PRKN: variants seen among roughly 807,000 people sequenced by gnomAD.
The protein encoded by PRKN is parkin RBR E3 ubiquitin protein ligase, also known as E3 ubiquitin-protein ligase parkin.
Under a neutral mutation model 59.5 loss-of-function variants are expected in PRKN, and 56 were observed. The ratio of observed to expected loss-of-function variants is 0.94; its 90% CI spans 0.76 to 1.18. The LOEUF is 1.18. Among genes scored for constraint, PRKN ranks in the 50% most tolerant of loss-of-function variants. PRKN has a pLI of 0.00. For missense variants in PRKN, 657 were observed against 596.4 expected, an observed-to-expected ratio of 1.10 and a Z score of -1.06; for synonymous variants, 250 against 222.1, an observed-to-expected ratio of 1.13 and a Z score of -1.12.
intron 1 of PRKN, among the ~76,000 whole-genome samples, chr6:162,466,192 T>C (rs548846020): frequency 1.3e-5 from 2 of 152,326 alleles, no homozygotes; most frequent in Admixed American, 1.3e-4. Context: ...GAGGAGGCAA[T>C]AGCTGTGATA....
At chr6:161,907,543 G>C (rs1252610954) in intron 6 of PRKN, among the ~76,000 whole-genome samples, 1 of 152,040 alleles carries the variant, frequency 6.6e-6, no homozygotes, top group African/African-American at 2.4e-5. Flanking sequence ...TTATGTTCAA[G>C]TTTTCATCTT....
intron 4 of PRKN, among the ~76,000 whole-genome samples, chr6:162,107,285 C>A (rs773761325): frequency 6.6e-6 from 1 of 152,008 alleles, no homozygotes; most frequent in Admixed American, 6.6e-5. Flanking sequence ...GCCAACATGG[C>A]GAAACCCTGT....
chr6:162,718,646 G>A (rs1356249671), intron 1 of PRKN, among the ~76,000 whole-genome samples: 1 of 151,928 alleles, frequency 6.6e-6, no homozygotes, highest in East Asian at 1.9e-4. Context: ...CTGGGAGGCG[G>A]AGCTTACAGT....
chr6:162,122,524 C>G (rs1439168465), intron 4 of PRKN, among the ~76,000 whole-genome samples: 2 of 152,174 alleles, frequency 1.3e-5, no homozygotes, highest in East Asian at 3.9e-4. Flanking sequence ...ATGGCACTCA[C>G]ACACATGCTT....
chr6:161,785,734 T>C lies in PRKN; in HGVS notation c.871+38A>G, dbSNP rs777655432. On this transcript the variant is annotated intron_variant, in intron 7 of 11. Coordinates refer to ENST00000366898, the MANE Select transcript of PRKN (RefSeq NM_004562.3). ...TCAATAATTGTTCTTCTGTTCTTCA[T>C]TAGCATTAGAGATGGAGAGAAAACA... 5.0e-6 allele frequency: 8 copies of C among 1,604,070 alleles called. No individual in the cohort carries two copies. The South Asian group carries it at 6.6e-5, about 13-fold the overall frequency.
In PRKN at chr6:161,786,151, A is replaced by G. The variant is rs1055626855; in HGVS notation, c.735-243T>C. On this transcript the variant is annotated intron_variant, in intron 6 of 11. Coordinates refer to ENST00000366898, the MANE Select transcript of PRKN (RefSeq NM_004562.3). The stretch of plus-strand genomic sequence containing the variant: ...ATTTTTTATGTTAACACATTTATCA[A>G]TCTTTTGATTAAACCTGAGCTAAAA... Among the ~76,000 whole-genome samples, 5 of 152,194 alleles carry G rather than the reference A, an allele frequency of 3.3e-5. 1 individual carries two copies. The highest frequency in any genetic ancestry group is 4.4e-5 in the Non-Finnish European group (3 of 68,026).
chr6:162,368,124 G>A (rs1446710738), intron 2 of PRKN, among the ~76,000 whole-genome samples: 1 of 152,166 alleles, frequency 6.6e-6, no homozygotes, highest in Non-Finnish European at 1.5e-5. Context: ...GGGAAATACA[G>A]TTTCCTCCCG....
intron 6 of PRKN, among the ~76,000 whole-genome samples, chr6:161,822,328 T>C (rs1027168188): frequency 6.6e-6 from 1 of 152,156 alleles, no homozygotes; most frequent in Non-Finnish European, 1.5e-5. Context: ...TTCCTAGTTG[T>C]TGGAATGTAG....
chr6:162,453,695 G>C (rs1447781334), intron 1 of PRKN, among the ~76,000 whole-genome samples: 1 of 152,128 alleles, frequency 6.6e-6, no homozygotes, highest in Non-Finnish European at 1.5e-5. Context: ...CTGAGGTCAG[G>C]AGTTCGAGAC....
At chr6:161,815,736 A>C (rs367741954) in intron 6 of PRKN, among the ~76,000 whole-genome samples, 10 of 152,306 alleles carry the variant, frequency 6.6e-5, no homozygotes, top group South Asian at 6.2e-4. Flanking sequence ...GCGGGAGCTC[A>C]GCAGACTTGC....
At chr6:161,685,649 C>G (rs1355259143) in intron 7 of PRKN, among the ~76,000 whole-genome samples, 1 of 152,106 alleles carries the variant, frequency 6.6e-6, no homozygotes, top group Non-Finnish European at 1.5e-5. Context: ...CAGGTCACAG[C>G]CAAGTACGAG....
In PRKN at chr6:161,922,498, T is replaced by C. The variant is rs796664325; in HGVS notation, c.734+50804A>G. Among the ~76,000 whole-genome samples, 3 of 152,196 alleles carry C rather than the reference T, an allele frequency of 2.0e-5. No individual in the cohort carries two copies. The South Asian group carries it at 6.2e-4, about 31-fold the overall frequency. ...GGAAATACATATGTGTGTGTATATA[T>C]ACTTATATTTGTACACGTGCACATA... On this transcript the variant is annotated intron_variant, in intron 6 of 11. Coordinates refer to ENST00000366898, the MANE Select transcript of PRKN (RefSeq NM_004562.3).
At chr6:161,450,175 G>A (rs979708848) in intron 9 of PRKN, among the ~76,000 whole-genome samples, 2 of 152,222 alleles carry the variant, frequency 1.3e-5, no homozygotes, top group Non-Finnish European at 2.9e-5. Context: ...AGAGAGGAGT[G>A]AAGAGGGGGA....
Position 162,708,857 on chromosome 6 carries a change from A to T in PRKN, c.7+18805T>A, listed in dbSNP as rs1037113474. Among the ~76,000 whole-genome samples, 25 of 152,190 alleles carry T rather than the reference A, an allele frequency of 1.6e-4. 1 individual carries two copies. The highest frequency in any genetic ancestry group is 8.8e-5 in the Non-Finnish European group (6 of 68,022). On this transcript the variant is annotated intron_variant, in intron 1 of 11. Coordinates refer to ENST00000366898, the MANE Select transcript of PRKN (RefSeq NM_004562.3). Reference sequence around the variant, plus strand: ...CATAGGGGTCCGTGGCCTGTTAGGAACTGGGCCACACAGCAGGAGGTGAGT... The same window carrying T: ...CATAGGGGTCCGTGGCCTGTTAGGATCTGGGCCACACAGCAGGAGGTGAGT...
rs1789550502 is a variant in PRKN at position 161,447,556 on chromosome 6, T to C, written c.1084-60679A>G. 1.3e-5 allele frequency among the ~76,000 whole-genome samples: 2 copies of C among 152,014 alleles called. No homozygotes were observed. Among genetic ancestry groups the C allele is most frequent in the South Asian group, 4.2e-4 (2 of 4,812 alleles). ...TCGCCCAGGCTGGAGTGCAGTGGAG[T>C]GATCTCAGCTCACTGCAACCTCCGC... On this transcript the variant is annotated intron_variant, in intron 9 of 11. Coordinates refer to ENST00000366898, the MANE Select transcript of PRKN (RefSeq NM_004562.3). This position sits in a 1 kb window ranked among gnomAD's most constrained non-coding sequence, Gnocchi z 4.1.
intron 7 of PRKN, among the ~76,000 whole-genome samples, chr6:161,712,872 G>A (rs909198982): frequency 6.6e-6 from 1 of 152,088 alleles, no homozygotes; most frequent in Admixed American, 6.6e-5. Flanking sequence ...AGATGGTGGT[G>A]GGGGGGACTT....
chr6:161,730,291 T>G (rs560437096), intron 7 of PRKN, among the ~76,000 whole-genome samples: 3 of 150,978 alleles, frequency 2.0e-5, no homozygotes, highest in African/African-American at 7.4e-5. Context: ...TCAGATATGT[T>G]GCATTCTGAT....
At chr6:162,606,589 G>T (rs1033382208) in intron 1 of PRKN, among the ~76,000 whole-genome samples, 4 of 152,208 alleles carry the variant, frequency 2.6e-5, no homozygotes, top group African/African-American at 9.6e-5. Context: ...TTGGACTAGG[G>T]ATAGTGATGG....
chr6:162,145,738 G>T (rs546898511), intron 4 of PRKN, among the ~76,000 whole-genome samples: 1 of 152,226 alleles, frequency 6.6e-6, no homozygotes, highest in Non-Finnish European at 1.5e-5. Context: ...GTGTTGGCCC[G>T]CAATCAGCAT....
Sources: allele counts gnomAD v4.1 joint callset (sites outside exome capture counted in the v4.1 genomes callset), GRCh38; gene constraint gnomAD v4.1.1; non-coding constraint Gnocchi (gnomAD v3.1); transcripts MANE v1.5; gene names NCBI Gene and HGNC (gene_info 2026-07-23, HGNC 2026-07-21).